Variants in CASK observed in about 807,000 individuals in gnomAD.
The protein encoded by CASK is peripheral plasma membrane protein CASK.
CASK carries 4 observed loss-of-function variants against 82.9 expected under a neutral mutation model. The ratio of observed to expected loss-of-function variants is 0.05; its 90% CI spans 0.02 to 0.11. CASK has a LOEUF of 0.11. Among genes scored for constraint, CASK ranks in the 10% least tolerant of loss-of-function variants. The probability of loss-of-function intolerance (pLI) is 1.00; values close to 1 mark genes in which losing one functional copy is unlikely to be tolerated. For synonymous variants in CASK, 259 were observed against 253.5 expected, an observed-to-expected ratio of 1.02 and a Z score of -0.20; for missense variants, 358 against 720.9, an observed-to-expected ratio of 0.50 and a Z score of 5.76.
chrX:41,852,854 T>C (rs755304525), intron 2 of CASK, among the ~76,000 whole-genome samples: 1 of 110,920 alleles, frequency 9.0e-6, no homozygotes, highest in Admixed American at 9.6e-5. Flanking sequence ...AAAGCCCAGA[T>C]TTTTGCTTTC....
At chrX:41,522,863 C>G (rs928420371) in intron 26 of CASK, 1 of 112,641 alleles carries the variant, frequency 8.9e-6, no homozygotes, top group Non-Finnish European at 1.9e-5. Context: ...CACACGTGAG[C>G]AGGGTTTAAC....
intron 2 of CASK, among the ~76,000 whole-genome samples, chrX:41,844,321 A>T (rs764453013): frequency 2.7e-5 from 3 of 111,692 alleles, no homozygotes; most frequent in South Asian, 7.4e-4. Flanking sequence ...AGTAGAATTC[A>T]CCATTAAGCT....
intron 12 of CASK, among the ~76,000 whole-genome samples, chrX:41,595,522 C>T (rs748170149): frequency 8.2e-4 from 91 of 111,530 alleles, no homozygotes; most frequent in African/African-American, 2.9e-3. Context: ...GGAGGGTTCC[C>T]TGAGCCCAGG....
chrX:41,610,715 G>A (rs2066031395), intron 11 of CASK, among the ~76,000 whole-genome samples: 1 of 111,410 alleles, frequency 9.0e-6, no homozygotes, highest in Non-Finnish European at 1.9e-5. Flanking sequence ...TTTTTGTAGG[G>A]CAAAGCAAAT....
At chrX:41,596,603 T>C (rs1407754881) in intron 12 of CASK, among the ~76,000 whole-genome samples, 1 of 112,244 alleles carries the variant, frequency 8.9e-6, no homozygotes, top group Non-Finnish European at 1.9e-5. Context: ...AAAACAAGAA[T>C]GAATCTGTTA....
At chrX:41,918,512 C>A (rs2072730482) in intron 1 of CASK, among the ~76,000 whole-genome samples, 1 of 112,184 alleles carries the variant, frequency 8.9e-6, no homozygotes, top group South Asian at 3.7e-4. Context: ...AAACCATCAT[C>A]AACTGTTATT....
chrX:41,818,790 C>T (rs1377357833), intron 2 of CASK, among the ~76,000 whole-genome samples: 1 of 106,920 alleles, frequency 9.4e-6, no homozygotes, highest in Non-Finnish European at 1.9e-5. Context: ...ATCTTTTCAA[C>T]AAATGATGCT....
chrX:41,545,510 C>G (rs1030889772), intron 21 of CASK, among the ~76,000 whole-genome samples: 5 of 112,351 alleles, frequency 4.5e-5, no homozygotes, highest in Non-Finnish European at 9.4e-5. Flanking sequence ...CTATTCCTTT[C>G]TGGTCTATTT....
chrX:41,709,308 T>C (rs2067934207), intron 5 of CASK, among the ~76,000 whole-genome samples: 1 of 111,894 alleles, frequency 8.9e-6, no homozygotes, highest in Non-Finnish European at 1.9e-5. Context: ...TACTTATCAA[T>C]TACAATGAAA....
At chrX:41,831,431 A>G (rs1281447759) in intron 2 of CASK, among the ~76,000 whole-genome samples, 1 of 112,131 alleles carries the variant, frequency 8.9e-6, no homozygotes, top group Non-Finnish European at 1.9e-5. Flanking sequence ...ACAGATATGA[A>G]CAGCACCTAG....
At chrX:41,631,178 C>T (rs1300463850) in intron 9 of CASK, among the ~76,000 whole-genome samples, 3 of 111,557 alleles carry the variant, frequency 2.7e-5, no homozygotes, top group African/African-American at 9.7e-5. Flanking sequence ...AGTAATTGCA[C>T]AGAATAGATA....
intron 2 of CASK, among the ~76,000 whole-genome samples, chrX:41,829,469 CA>C (rs1332894127): frequency 7.5e-5 from 8 of 106,181 alleles, no homozygotes; most frequent in Non-Finnish European, 1.4e-4. Context: ...CATCCATTCT[CA>C]TTGCTTTGTT....
chrX:41,899,683 T>A (rs1287226091), intron 1 of CASK, among the ~76,000 whole-genome samples: 1 of 111,998 alleles, frequency 8.9e-6, no homozygotes, highest in East Asian at 2.8e-4. Context: ...TGCCCCACTA[T>A]TATTGATGTC....
At chrX:41,545,059 T>C (rs1433272449) in intron 21 of CASK, among the ~76,000 whole-genome samples, 4 of 110,768 alleles carry the variant, frequency 3.6e-5, no homozygotes, top group African/African-American at 1.3e-4. Flanking sequence ...AGATTCTCCT[T>C]GTGATGCCCA....
At chrX:41,742,613 G>T (rs140681247) in intron 4 of CASK, among the ~76,000 whole-genome samples, 1,223 of 111,818 alleles carry the variant, frequency 0.011, 23 homozygotes, top group African/African-American at 0.038. Flanking sequence ...TTATCAATTT[G>T]ATTACTTGGT....
chrX:41,581,117 G>A (rs913865345), intron 14 of CASK, among the ~76,000 whole-genome samples: 13 of 112,117 alleles, frequency 1.2e-4, no homozygotes, highest in African/African-American at 3.2e-4. Flanking sequence ...GGTAGCTCAT[G>A]CTTGTAATCC....
chrX:41,829,631 G>A lies in CASK; in HGVS notation c.172+23484C>T, dbSNP rs1171599937. ...GTTTTTTTTTTTTTTGGGGGGGTGG[G>A]GGTGAACATATGTTAAGACATTGCT... On this transcript the variant is annotated intron_variant, in intron 2 of 26. Transcript: ENST00000378163. Among the ~76,000 whole-genome samples, 12 of 57,302 alleles carry A rather than the reference G, an allele frequency of 2.1e-4. 4 individuals carry two copies. The highest frequency in any genetic ancestry group is 8.3e-4 in the African/African-American group (12 of 14,490). The allele number at this position is 57,302 out of a possible 115,157, so 49.8% of individuals were successfully genotyped here. A position where few individuals can be genotyped will look rare whatever the true frequency, so the allele number is the denominator to read the frequency against.
intron 12 of CASK, among the ~76,000 whole-genome samples, chrX:41,592,029 T>C (rs1487932179): frequency 1.8e-5 from 2 of 109,956 alleles, no homozygotes; most frequent in African/African-American, 3.3e-5. Flanking sequence ...GGCAGGCAGA[T>C]TGCTTGAGCC....
chrX:41,793,033 T>C (rs759554058), intron 2 of CASK, among the ~76,000 whole-genome samples: 4 of 112,182 alleles, frequency 3.6e-5, no homozygotes, highest in Non-Finnish European at 7.5e-5. Context: ...TTCAAACAGA[T>C]GTGTTTTTAA....
Sources: gnomAD v4.1 joint callset for allele counts (sites outside exome capture counted in the v4.1 genomes callset) on GRCh38, gnomAD v4.1.1 for gene constraint, MANE v1.5 for transcripts, NCBI Gene and HGNC (gene_info 2026-07-23, HGNC 2026-07-21) for gene names.